KCNMA1: variants seen among roughly 807,000 people sequenced by gnomAD.
KCNMA1 encodes the protein Calcium-activated potassium channel subunit alpha-1.
Under a neutral mutation model 140.0 loss-of-function variants are expected in KCNMA1, and 29 were observed. The ratio of observed to expected loss-of-function variants is 0.21; its 90% CI spans 0.15 to 0.28. The LOEUF is 0.28. Ranked by LOEUF, KCNMA1 falls within the 10% of genes least tolerant of loss-of-function variation. The pLI is 1.00. For synonymous variants in KCNMA1, 612 were observed against 611.9 expected (o/e 1.00, Z 0.00); for missense variants, 880 against 1,602.2 (o/e 0.55, Z 7.70).
chr10:77,504,701 A>G (rs1410015958), intron 1 of KCNMA1, among the ~76,000 whole-genome samples: 1 of 152,084 alleles, frequency 6.6e-6, no homozygotes, highest in African/African-American at 2.4e-5. Context: ...GGCTCAAGCA[A>G]TTCTCCTGCC....
chr10:77,502,734 C>T (rs2044369318), intron 1 of KCNMA1, among the ~76,000 whole-genome samples: 2 of 152,114 alleles, frequency 1.3e-5, no homozygotes, highest in South Asian at 2.1e-4. Flanking sequence ...TACAACTCTC[C>T]GAGCCTCAAT....
intron 1 of KCNMA1, among the ~76,000 whole-genome samples, chr10:77,598,075 G>A (rs571406596): frequency 6.6e-6 from 1 of 152,232 alleles, no homozygotes; most frequent in South Asian, 2.1e-4. Flanking sequence ...AGGTTCAAGT[G>A]ATTCTCCTGC....
intron 2 of KCNMA1, among the ~76,000 whole-genome samples, chr10:77,276,011 C>T (rs2066571816): frequency 6.6e-6 from 1 of 152,206 alleles, no homozygotes; most frequent in Non-Finnish European, 1.5e-5. Flanking sequence ...CAAACGGTGT[C>T]CCCCCTTCCT....
chr10:77,147,181 A>C (rs1474668354), intron 5 of KCNMA1, among the ~76,000 whole-genome samples: 1 of 152,266 alleles, frequency 6.6e-6, no homozygotes, highest in East Asian at 1.9e-4. Flanking sequence ...GGCTGAATCT[A>C]TAACCAGCCA....
chr10:77,280,748 C>T (rs749048578), intron 2 of KCNMA1, among the ~76,000 whole-genome samples: 2 of 150,426 alleles, frequency 1.3e-5, no homozygotes, highest in African/African-American at 4.9e-5. Flanking sequence ...AGGCTGGTCT[C>T]GAATTCCTGG....
chr10:77,226,938 C>A lies in KCNMA1; in HGVS notation c.602+24257G>T, dbSNP rs186273569. Among the ~76,000 whole-genome samples the A allele has an allele frequency of 1.3e-3, 196 of 152,240 alleles. 2 individuals are homozygous for A. Among genetic ancestry groups the A allele is most frequent in the African/African-American group, 4.5e-3 (185 of 41,542 alleles). On this transcript the variant is annotated intron_variant, in intron 3 of 27. Transcript: ENST00000286628. The stretch of plus-strand genomic sequence containing the variant: ...TGCCTCCTTCATTACAAAACATGTT[C>A]TTTTTGTACTTTTAGCTCATCTTAA...
intron 1 of KCNMA1, among the ~76,000 whole-genome samples, chr10:77,427,427 A>G (rs1419073029): frequency 6.6e-6 from 1 of 152,242 alleles, no homozygotes; most frequent in Non-Finnish European, 1.5e-5. Flanking sequence ...AGGGGGCACT[A>G]TCAATATGCA....
At chr10:77,183,309 T>C (rs931648234) in intron 5 of KCNMA1, 112 bp downstream of exon 5, 1 of 768,062 alleles carries the variant, frequency 1.3e-6, no homozygotes, top group Non-Finnish European at 2.3e-6. Context: ...GTTGTTCACA[T>C]TAATACATAC....
intron 1 of KCNMA1, among the ~76,000 whole-genome samples, chr10:77,559,770 T>A (rs185597483): frequency 2.1e-3 from 319 of 152,316 alleles, no homozygotes; most frequent in African/African-American, 7.1e-3. Context: ...ATTTCAGCAA[T>A]CTCTGGCCCA....
chr10:77,032,392 G>GGGTGA (rs1206409148), intron 15 of KCNMA1, among the ~76,000 whole-genome samples: 2 of 152,126 alleles, frequency 1.3e-5, no homozygotes, highest in Non-Finnish European at 2.9e-5. Flanking sequence ...TCAGGAAGCA[G>GGGTGA]GGTGAGGTGA....
At chr10:77,328,054 C>A (rs149289350) in intron 2 of KCNMA1, among the ~76,000 whole-genome samples, 1,733 of 152,300 alleles carry the variant, frequency 0.011, 31 homozygotes, top group African/African-American at 0.04. Context: ...GGACTCTGCT[C>A]CACTGTTTAT....
chr10:77,077,306 T>G (rs758677508), intron 13 of KCNMA1, among the ~76,000 whole-genome samples: 5 of 152,226 alleles, frequency 3.3e-5, no homozygotes, highest in Non-Finnish European at 7.3e-5. Flanking sequence ...TGTAAGTGAT[T>G]CTGCCCAACC....
intron 5 of KCNMA1, among the ~76,000 whole-genome samples, chr10:77,178,829 T>C (rs957893714): frequency 6.6e-6 from 1 of 152,202 alleles, no homozygotes; most frequent in Admixed American, 6.5e-5. Context: ...TTGGAGCATG[T>C]TATTCAAATC....
At chr10:77,358,399 C>A (rs1184628692) in intron 2 of KCNMA1, among the ~76,000 whole-genome samples, 1 of 152,154 alleles carries the variant, frequency 6.6e-6, no homozygotes, top group Non-Finnish European at 1.5e-5. Context: ...TCTCCCCCAC[C>A]TTCTCACACC....
At chr10:76,962,055 C>T (rs2071718734) in intron 20 of KCNMA1, among the ~76,000 whole-genome samples, 1 of 152,172 alleles carries the variant, frequency 6.6e-6, no homozygotes, top group Non-Finnish European at 1.5e-5. Context: ...CCTGCTACAA[C>T]AGGAACAGAA....
chr10:76,883,728 T>TTTTG (rs1554855320), downstream of KCNMA1, among the ~76,000 whole-genome samples: 59 of 150,172 alleles, frequency 3.9e-4, no homozygotes, highest in African/African-American at 1.4e-3. Context: ...CTTGTTTTTT[T>TTTTG]TTTTTTTTTT....
At chr10:77,370,381 T>TC (rs1490323175) in intron 2 of KCNMA1, among the ~76,000 whole-genome samples, 1 of 152,052 alleles carries the variant, frequency 6.6e-6, no homozygotes, top group East Asian at 1.9e-4. Flanking sequence ...TTTTTACATG[T>TC]CCAAGTACCT....
chr10:77,601,823 C>T (rs1394436190), intron 1 of KCNMA1, among the ~76,000 whole-genome samples: 1 of 152,150 alleles, frequency 6.6e-6, no homozygotes, highest in Admixed American at 6.5e-5. Context: ...AGTAGCTAAG[C>T]CAAGGATACA....
intron 2 of KCNMA1, among the ~76,000 whole-genome samples, chr10:77,375,527 C>G (rs1461816322): frequency 6.6e-6 from 1 of 152,222 alleles, no homozygotes; most frequent in Non-Finnish European, 1.5e-5. Flanking sequence ...TCCATAATAG[C>G]ATCCACCGCA....
Sources: gnomAD v4.1 joint callset for allele counts (sites outside exome capture counted in the v4.1 genomes callset) on GRCh38, gnomAD v4.1.1 for gene constraint, MANE v1.5 for transcripts, NCBI Gene and HGNC (gene_info 2026-07-23, HGNC 2026-07-21) for gene names.